Variants in SNX29 observed in about 807,000 individuals in gnomAD.
SNX29 encodes the protein sorting nexin-29.
In SNX29, 78 loss-of-function variants were observed where a neutral mutation model predicts 102.1. That is an observed-to-expected ratio of 0.76 (90% confidence interval 0.64 to 0.92). The LOEUF is 0.92. Ranked by LOEUF, SNX29 falls within the 40% of genes least tolerant of loss-of-function variation. The probability of loss-of-function intolerance (pLI) is 0.00; values close to 1 mark genes in which losing one functional copy is unlikely to be tolerated. For missense variants in SNX29, 1,280 were observed against 1,061.7 expected, an observed-to-expected ratio of 1.21 and a Z score of -2.86; for synonymous variants, 580 against 414.5, an observed-to-expected ratio of 1.40 and a Z score of -4.85.
At chr16:12,057,197 C>A (rs1410887621) in intron 8 of SNX29, among the ~76,000 whole-genome samples, 1 of 152,200 alleles carries the variant, frequency 6.6e-6, no homozygotes, top group African/African-American at 2.4e-5. Context: ...GAAAGGACTA[C>A]AAACATATGC....
At chr16:12,043,809 A>G (rs185104608) in intron 5 of SNX29, among the ~76,000 whole-genome samples, 22 of 152,130 alleles carry the variant, frequency 1.4e-4, no homozygotes, top group African/African-American at 5.1e-4. Flanking sequence ...GCTGGAGTGC[A>G]CTGATGCTAT....
intron 18 of SNX29, among the ~76,000 whole-genome samples, chr16:12,470,516 A>G (rs1444794968): frequency 6.6e-6 from 1 of 152,126 alleles, no homozygotes; most frequent in African/African-American, 2.4e-5. Context: ...CAGCCAGCAG[A>G]GAGGTGCACC....
rs1276838679 is a variant in SNX29 at position 12,504,742 on chromosome 16, G to A, written c.2179-19960G>A. ...ATCTCTTACTGTGCCTTATTTAGAA[G>A]TTAGACTTTGTCATAAGTATGTATG... On this transcript the variant is annotated intron_variant, in intron 19 of 20. Coordinates refer to ENST00000566228, the MANE Select transcript of SNX29 (RefSeq NM_032167.5). Among the ~76,000 whole-genome samples the A allele has an allele frequency of 2.6e-5, 4 of 152,160 alleles. 1 individual carries two copies. The highest frequency in any genetic ancestry group is 4.4e-5 in the Non-Finnish European group (3 of 68,032).
intron 4 of SNX29, chr16:12,027,855 T>A (rs1248884778): frequency 6.1e-6 from 1 of 163,154 alleles, no homozygotes; most frequent in Non-Finnish European, 1.3e-5. Flanking sequence ...TCCAATTTAA[T>A]GTTGGAAAAA....
intron 15 of SNX29, among the ~76,000 whole-genome samples, chr16:12,291,763 G>C (rs1393464517): frequency 3.9e-5 from 6 of 152,190 alleles, no homozygotes; most frequent in African/African-American, 1.2e-4. Context: ...AAGGGAGATT[G>C]GGGAGAGGGA....
At chr16:12,508,822 C>T (rs1175983103) in intron 19 of SNX29, among the ~76,000 whole-genome samples, 1 of 152,194 alleles carries the variant, frequency 6.6e-6, no homozygotes, top group African/African-American at 2.4e-5. Flanking sequence ...TCCTCCCCAG[C>T]CATGTCCTAC....
chr16:12,527,354 TA>T (rs759376406), intron 20 of SNX29: 196 of 489,874 alleles, frequency 4.0e-4, no homozygotes, highest in Non-Finnish European at 4.7e-4. Context: ...GATTTCTGGT[TA>T]AAAAAAAATA....
At chr16:12,208,696 C>T (rs2077107689) in intron 14 of SNX29, among the ~76,000 whole-genome samples, 1 of 152,062 alleles carries the variant, frequency 6.6e-6, no homozygotes, top group African/African-American at 2.4e-5. Context: ...AAAAAATTGG[C>T]CAGGTGTGCT....
chr16:12,549,914 C>G (rs1308343886), intron 20 of SNX29, among the ~76,000 whole-genome samples: 1 of 152,218 alleles, frequency 6.6e-6, no homozygotes, highest in African/African-American at 2.4e-5. Context: ...GGCCCACAGG[C>G]CAAATCTTAC....
chr16:12,497,119 G>A (rs1054024671), intron 19 of SNX29, among the ~76,000 whole-genome samples: 43 of 152,308 alleles, frequency 2.8e-4, no homozygotes, highest in African/African-American at 9.9e-4. Context: ...CAGGACCAAT[G>A]ACTTCAGAGG....
chr16:12,288,050 T>C (rs955139283), intron 15 of SNX29, among the ~76,000 whole-genome samples: 4 of 152,200 alleles, frequency 2.6e-5, no homozygotes, highest in African/African-American at 7.2e-5. Flanking sequence ...ACTAGCTGGG[T>C]ACATCAGCAT....
At chr16:11,996,358 A>G (rs982674642) in intron 1 of SNX29, among the ~76,000 whole-genome samples, 2 of 152,168 alleles carry the variant, frequency 1.3e-5, no homozygotes, top group Non-Finnish European at 1.5e-5. Flanking sequence ...ACTCTAGCCC[A>G]TGTGATAGAG....
intron 13 of SNX29, among the ~76,000 whole-genome samples, chr16:12,193,770 G>T (rs1047985909): frequency 1.3e-5 from 2 of 152,108 alleles, no homozygotes; most frequent in African/African-American, 4.8e-5. Context: ...CTCCAGAAGC[G>T]CCTTCCTACC....
chr16:12,541,124 A>G (rs935625528), intron 20 of SNX29, among the ~76,000 whole-genome samples: 1 of 152,092 alleles, frequency 6.6e-6, no homozygotes, highest in African/African-American at 2.4e-5. Flanking sequence ...TGGAGGGGAG[A>G]CACAGGGGGA....
intron 1 of SNX29, among the ~76,000 whole-genome samples, chr16:11,984,688 C>G (rs930605465): frequency 6.6e-6 from 1 of 152,028 alleles, no homozygotes; most frequent in Non-Finnish European, 1.5e-5. Flanking sequence ...GGGTTTTGCT[C>G]TGTTGCCCAG....
intron 10 of SNX29, among the ~76,000 whole-genome samples, chr16:12,077,506 G>C (rs1417168951): frequency 1.3e-5 from 2 of 151,442 alleles, no homozygotes; most frequent in African/African-American, 4.9e-5. Flanking sequence ...TAAATTATTT[G>C]TAAACATACA....
intron 18 of SNX29, among the ~76,000 whole-genome samples, chr16:12,446,356 C>T (rs573933659): frequency 1.3e-5 from 2 of 152,220 alleles, no homozygotes; most frequent in South Asian, 2.1e-4. Flanking sequence ...GTGCCTGGCC[C>T]CATTTGTTTT....
At chr16:12,318,611 G>A (rs931622006) in intron 15 of SNX29, among the ~76,000 whole-genome samples, 4 of 152,124 alleles carry the variant, frequency 2.6e-5, no homozygotes, top group Non-Finnish European at 1.5e-5. Context: ...GGTGGCTTAT[G>A]CCTGTAATCC....
At chr16:12,108,324 G>A (rs1596913194) in intron 11 of SNX29, among the ~76,000 whole-genome samples, 1 of 152,212 alleles carries the variant, frequency 6.6e-6, no homozygotes, top group East Asian at 1.9e-4. Flanking sequence ...CCTTATGGAA[G>A]TTCCATGCCA....
Sources: gnomAD v4.1 joint callset for allele counts (sites outside exome capture counted in the v4.1 genomes callset) on GRCh38, gnomAD v4.1.1 for gene constraint, MANE v1.5 for transcripts, NCBI Gene and HGNC (gene_info 2026-07-23, HGNC 2026-07-21) for gene names.